Variants in OLFM2 observed in about 807,000 individuals in gnomAD.
OLFM2 encodes the protein olfactomedin 2.
In OLFM2, 20 loss-of-function variants were observed where a neutral mutation model predicts 43.9. That is an observed-to-expected ratio of 0.46 (90% CI 0.32 to 0.66). The LOEUF (loss-of-function observed/expected upper bound fraction) is 0.66, where lower values mean the gene tolerates loss of function less well. Among genes scored for constraint, OLFM2 ranks in the 30% least tolerant of loss-of-function variants. The pLI, the probability that OLFM2 is intolerant of heterozygous loss-of-function variation, is 0.04. For synonymous variants in OLFM2, 268 were observed against 278.6 expected, an observed-to-expected ratio of 0.96 and a Z score of 0.38; for missense variants, 416 against 643.6, an observed-to-expected ratio of 0.65 and a Z score of 3.83.
rs746022725 is a variant in OLFM2 at position 9,890,819 on chromosome 19, A to G, written c.64-30025T>C. On this transcript the variant is annotated intron_variant, in intron 1 of 5. Coordinates refer to ENST00000264833, the MANE Select transcript of OLFM2 (RefSeq NM_058164.4). ...TATTTTAAAAATTTATCGGGCATGG[A>G]GGTGCACACTTATATTCCCAGCTAC... Among the ~76,000 whole-genome samples the G allele has an allele frequency of 7.8e-4, 119 of 152,052 alleles. 1 individual carries two copies. Among genetic ancestry groups the G allele is most frequent in the Admixed American group, 2.4e-3 (36 of 15,246 alleles).
intron 1 of OLFM2, among the ~76,000 whole-genome samples, chr19:9,924,891 T>G (rs893975237): frequency 8.9e-6 from 1 of 111,744 alleles, no homozygotes; most frequent in Non-Finnish European, 1.5e-5. Flanking sequence ...ATATATGTGA[T>G]ATATATATAT....
At chr19:9,893,193 C>T (rs1169333333) in intron 1 of OLFM2, among the ~76,000 whole-genome samples, 1 of 149,596 alleles carries the variant, frequency 6.7e-6, no homozygotes, top group Non-Finnish European at 1.5e-5. Context: ...GAGACAGAGT[C>T]TCGCTCTGTT....
intron 1 of OLFM2, among the ~76,000 whole-genome samples, chr19:9,931,078 C>CA (rs753911441): frequency 1.8e-4 from 28 of 152,054 alleles, no homozygotes; most frequent in Admixed American, 4.6e-4. Context: ...ATCTTAAATC[C>CA]AGCCCCAAGG....
In OLFM2 at chr19:9,853,908, A is replaced by G. The variant is rs2046291024; in HGVS notation, c.*278T>C. The G allele has an allele frequency of 1.8e-6, 1 of 571,066 alleles. No homozygotes were observed. The highest frequency in any genetic ancestry group is 1.9e-5 in the African/African-American group (1 of 53,398). 35.4% of individuals were successfully genotyped at this position (571,066 alleles called of 1,614,324 possible). ...GAGAGACAGAGAGAGGCAGAGACGG[A>G]AAGAACTGGAGAACCAGAGCCATAA... On this transcript the variant is annotated 3_prime_UTR_variant, in exon 6 of 6. Coordinates refer to ENST00000264833, the MANE Select transcript of OLFM2 (RefSeq NM_058164.4).
chr19:9,868,971 A>ATT (rs33994907), intron 1 of OLFM2, among the ~76,000 whole-genome samples: 2 of 102,880 alleles, frequency 1.9e-5, no homozygotes, highest in East Asian at 5.0e-4. Flanking sequence ...AGTCCCTTAA[A>ATT]TTTTTTTTTT....
chr19:9,877,915 C>A (rs570131126), intron 1 of OLFM2, among the ~76,000 whole-genome samples: 1 of 152,042 alleles, frequency 6.6e-6, no homozygotes, highest in East Asian at 1.9e-4. Context: ...TGCAATGATG[C>A]GATCCTGACT....
chr19:9,873,390 G>A (rs2046459286), intron 1 of OLFM2, among the ~76,000 whole-genome samples: 1 of 152,138 alleles, frequency 6.6e-6, no homozygotes, highest in Admixed American at 6.6e-5. Flanking sequence ...CTGGGTTGAA[G>A]GGATCCACCT....
chr19:9,882,701 G>C (rs1481966196), intron 1 of OLFM2, among the ~76,000 whole-genome samples: 1 of 151,708 alleles, frequency 6.6e-6, no homozygotes, highest in Non-Finnish European at 1.5e-5. Flanking sequence ...CTTGGCCTCA[G>C]GAGTTTGAGA....
Position 9,857,684 on chromosome 19 carries a change from T to G in OLFM2, c.360+31A>C. 1 of 1,614,166 alleles carries G rather than the reference T, an allele frequency of 6.2e-7. No homozygotes were observed. The highest frequency in any genetic ancestry group is 8.5e-7 in the Non-Finnish European group (1 of 1,180,014). ...GGATACCAAATCCCAGTCATTTGTTTGACCTCTGGTCTGGACACAGGAGGA... is the reference window on the plus strand; with the variant it reads ...GGATACCAAATCCCAGTCATTTGTTGGACCTCTGGTCTGGACACAGGAGGA... On this transcript the variant is annotated intron_variant, in intron 3 of 5. Coordinates refer to ENST00000264833, the MANE Select transcript of OLFM2 (RefSeq NM_058164.4). The surrounding 1 kb of genome is among the most constrained non-coding windows in gnomAD (Gnocchi z 5.7).
intron 1 of OLFM2, chr19:9,913,553 A>G: frequency 2.4e-6 from 3 of 1,241,800 alleles, no homozygotes; most frequent in Admixed American, 4.1e-5. Context: ...CGTCTGCGAC[A>G]TCCAGTTGGT....
chr19:9,913,428 C>T (rs1461928269), intron 1 of OLFM2: 52 of 985,818 alleles, frequency 5.3e-5, no homozygotes, highest in Non-Finnish European at 6.3e-5. Context: ...GCGGCAGCGG[C>T]TGTGGCGCGG....
intron 2 of OLFM2, 95 bp downstream of exon 2, chr19:9,860,550 G>A: frequency 7.4e-7 from 1 of 1,356,014 alleles, no homozygotes; most frequent in African/African-American, 1.4e-5. Flanking sequence ...TGCATAGCTG[G>A]ATATGGCCAC....
chr19:9,881,665 A>ATTTT (rs33945661), intron 1 of OLFM2, among the ~76,000 whole-genome samples: 1 of 145,736 alleles, frequency 6.9e-6, no homozygotes, highest in Non-Finnish European at 1.5e-5. Flanking sequence ...CTAATTTTTA[A>ATTTT]TTTTTTTTTT....
At chr19:9,897,440 G>A (rs1218370757) in intron 1 of OLFM2, among the ~76,000 whole-genome samples, 7 of 152,074 alleles carry the variant, frequency 4.6e-5, no homozygotes, top group East Asian at 1.9e-4. Flanking sequence ...TGAGGCTGCC[G>A]TGAGCTGGGA....
At chr19:9,935,159 G>A (rs530779221) in intron 1 of OLFM2, among the ~76,000 whole-genome samples, 1 of 152,174 alleles carries the variant, frequency 6.6e-6, no homozygotes, top group Non-Finnish European at 1.5e-5. Context: ...TAGTAGGGAG[G>A]AGGCAGAGGG....
intron 1 of OLFM2, among the ~76,000 whole-genome samples, chr19:9,901,820 G>A (rs960439790): frequency 5.9e-5 from 9 of 152,204 alleles, no homozygotes; most frequent in Non-Finnish European, 1.2e-4. Context: ...GGACATGCCT[G>A]TAACTAGCTA....
intron 2 of OLFM2, chr19:9,858,207 C>T: frequency 2.6e-6 from 1 of 385,430 alleles, no homozygotes; most frequent in South Asian, 2.1e-5. Context: ...CTCCACAGAT[C>T]CTGTGCTGGC....
At chr19:9,911,356 A>G (rs2046825890) in intron 1 of OLFM2, among the ~76,000 whole-genome samples, 1 of 152,110 alleles carries the variant, frequency 6.6e-6, no homozygotes, top group Non-Finnish European at 1.5e-5. Context: ...GTATAATGAG[A>G]CTGAGGGATG....
Position 9,936,372 on chromosome 19 carries a change from G to T in OLFM2, c.-6C>A. 3.4e-6 allele frequency: 5 copies of T among 1,451,162 alleles called. No homozygotes were observed. The highest frequency in any genetic ancestry group is 4.5e-6 in the Non-Finnish European group (5 of 1,104,800). 89.9% of individuals were successfully genotyped at this position (1,451,162 alleles called of 1,614,324 possible). ...GGGACCGTGAGCGGCCACATGACGCGCCCCTAGCCCGGCGTCCCGACCCCC... is the reference window on the plus strand; with the variant it reads ...GGGACCGTGAGCGGCCACATGACGCTCCCCTAGCCCGGCGTCCCGACCCCC... On this transcript the variant is annotated 5_prime_UTR_variant, in exon 1 of 6. Transcript: ENST00000264833.
Sources: gnomAD v4.1 joint callset for allele counts (sites outside exome capture counted in the v4.1 genomes callset) on GRCh38, gnomAD v4.1.1 for gene constraint, Gnocchi (gnomAD v3.1) non-coding constraint, MANE v1.5 for transcripts, NCBI Gene and HGNC (gene_info 2026-07-23, HGNC 2026-07-21) for gene names.